Variants in CADM2 observed in about 807,000 individuals in gnomAD.
CADM2 encodes cell adhesion molecule 2.
CADM2 carries 12 observed loss-of-function variants against 49.8 expected under a neutral mutation model. The ratio of observed to expected loss-of-function variants is 0.24; its 90% confidence interval spans 0.15 to 0.39. The LOEUF is 0.39. Among genes scored for constraint, CADM2 ranks in the 10% least tolerant of loss-of-function variants. The probability of loss-of-function intolerance (pLI) is 1.00; values close to 1 mark genes in which losing one functional copy is unlikely to be tolerated. For missense variants in CADM2, 378 were observed against 492.3 expected (o/e 0.77, Z 2.20); for synonymous variants, 214 against 175.4 (o/e 1.22, Z -1.74).
In CADM2 at chr3:85,703,188, A is replaced by G. The variant is rs2066835159; in HGVS notation, c.62-23334A>G. ...TTTTCATTCAAGTGAAAAGGCAGGA[A>G]GAAGGTCACAAGAAACTTTTGTTAT... On this transcript the variant is annotated intron_variant, in intron 1 of 9. Transcript: ENST00000383699. Among the ~76,000 whole-genome samples the G allele has an allele frequency of 2.0e-5, 3 of 152,272 alleles. No homozygotes were observed. The South Asian group carries it at 6.2e-4, about 32-fold the overall frequency.
intron 1 of CADM2, among the ~76,000 whole-genome samples, chr3:85,140,893 C>T (rs1040020306): frequency 6.6e-6 from 1 of 152,174 alleles, no homozygotes; most frequent in South Asian, 2.1e-4. Context: ...ATTAGCTGTT[C>T]TCCTCCTTAG....
At chr3:85,718,680 GA>G (rs1042938841) in intron 1 of CADM2, among the ~76,000 whole-genome samples, 2 of 151,748 alleles carry the variant, frequency 1.3e-5, no homozygotes, top group African/African-American at 4.8e-5. Flanking sequence ...ACGGTAGAGT[GA>G]AAAAAATTTA....
chr3:85,593,593 G>A (rs952452400), intron 1 of CADM2, among the ~76,000 whole-genome samples: 14 of 151,896 alleles, frequency 9.2e-5, no homozygotes, highest in African/African-American at 3.1e-4. Flanking sequence ...GGCATTATCG[G>A]CACGCAGAAT....
intron 1 of CADM2, among the ~76,000 whole-genome samples, chr3:85,293,919 G>T (rs1369975190): frequency 6.6e-6 from 1 of 151,952 alleles, no homozygotes; most frequent in African/African-American, 2.4e-5. Flanking sequence ...ATTCAACATA[G>T]TGTTGGAAGT....
chr3:85,554,416 G>A (rs2061896917), intron 1 of CADM2, among the ~76,000 whole-genome samples: 1 of 152,012 alleles, frequency 6.6e-6, no homozygotes, highest in South Asian at 2.1e-4. Flanking sequence ...CGGCACAAAG[G>A]TTAGGGACCC....
intron 1 of CADM2, among the ~76,000 whole-genome samples, chr3:85,275,968 T>A (rs922597246): frequency 6.6e-6 from 1 of 151,152 alleles, no homozygotes; most frequent in Non-Finnish European, 1.5e-5. Context: ...AGAATTTAAA[T>A]TTTTTTGGTC....
intron 1 of CADM2, among the ~76,000 whole-genome samples, chr3:85,335,182 T>C (rs141267734): frequency 1.4e-3 from 213 of 151,732 alleles, no homozygotes; most frequent in Non-Finnish European, 1.7e-3. Flanking sequence ...TCATTTTCTA[T>C]TGATGTCTCA....
At chr3:85,677,919 A>AACTT (rs761580141) in intron 1 of CADM2, among the ~76,000 whole-genome samples, 46 of 152,214 alleles carry the variant, frequency 3.0e-4, no homozygotes, top group African/African-American at 8.7e-4. Flanking sequence ...GATTCCTTCT[A>AACTT]ACTTTGATAT....
intron 1 of CADM2, among the ~76,000 whole-genome samples, chr3:85,511,078 C>T (rs7616578): frequency 6.6e-6 from 1 of 151,936 alleles, no homozygotes; most frequent in Admixed American, 6.6e-5. Flanking sequence ...ACACGTTAGA[C>T]CTTTCGAATG....
chr3:85,456,560 A>C (rs541021991), intron 1 of CADM2, among the ~76,000 whole-genome samples: 27 of 152,330 alleles, frequency 1.8e-4, no homozygotes, highest in African/African-American at 6.3e-4. Context: ...TCAAATTTTT[A>C]TATAGCATAC....
intron 1 of CADM2, among the ~76,000 whole-genome samples, chr3:85,576,629 G>A (rs1304331784): frequency 6.6e-6 from 1 of 152,116 alleles, no homozygotes; most frequent in Non-Finnish European, 1.5e-5. Context: ...CATAGCGATA[G>A]TGCATTCTGA....
At chr3:85,106,597 C>G (rs1181962702) in intron 1 of CADM2, among the ~76,000 whole-genome samples, 1 of 152,116 alleles carries the variant, frequency 6.6e-6, no homozygotes, top group Non-Finnish European at 1.5e-5. Context: ...CAAGCTCCTT[C>G]TATCAATGAT....
At chr3:84,961,280 A>T (rs979734175) in intron 1 of CADM2, among the ~76,000 whole-genome samples, 1 of 152,144 alleles carries the variant, frequency 6.6e-6, no homozygotes, top group Non-Finnish European at 1.5e-5. Context: ...ATGCATATTT[A>T]TGAATGTGAA....
chr3:85,390,588 GTTTCCTCTAATAT>G (rs765717668), intron 1 of CADM2, among the ~76,000 whole-genome samples: 1 of 151,862 alleles, frequency 6.6e-6, no homozygotes, highest in East Asian at 1.9e-4. Context: ...CTTCACAAGC[GTTTCCTCTAATAT>G]TTTCCTCTAG....
At chr3:85,809,502 A>G (rs1444487736) in intron 3 of CADM2, among the ~76,000 whole-genome samples, 1 of 152,082 alleles carries the variant, frequency 6.6e-6, no homozygotes, top group Non-Finnish European at 1.5e-5. Flanking sequence ...GAAGCAAGAG[A>G]ATTGCTTGAA....
At chr3:85,618,100 G>A (rs537318545) in intron 1 of CADM2, among the ~76,000 whole-genome samples, 2 of 151,964 alleles carry the variant, frequency 1.3e-5, no homozygotes, top group African/African-American at 2.4e-5. Flanking sequence ...GAATTGTTTT[G>A]TAAAAAATAA....
chr3:85,488,055 T>TA (rs1338562319), intron 1 of CADM2, among the ~76,000 whole-genome samples: 4 of 152,174 alleles, frequency 2.6e-5, no homozygotes, highest in Non-Finnish European at 5.9e-5. Flanking sequence ...TCTTAAAAAA[T>TA]ACTTTGTACA....
intron 1 of CADM2, among the ~76,000 whole-genome samples, chr3:85,509,952 G>T (rs551742476): frequency 8.6e-5 from 13 of 151,892 alleles, no homozygotes; most frequent in Non-Finnish European, 1.9e-4. Context: ...CTATAATCAT[G>T]GTAATAATAA....
At chr3:85,797,177 C>T (rs1577331059) in intron 2 of CADM2, among the ~76,000 whole-genome samples, 1 of 150,834 alleles carries the variant, frequency 6.6e-6, no homozygotes, top group Non-Finnish European at 1.5e-5. Flanking sequence ...CTTTTTGTTA[C>T]ATAGCAATAA....
Sources: allele counts gnomAD v4.1 joint callset (sites outside exome capture counted in the v4.1 genomes callset), GRCh38; gene constraint gnomAD v4.1.1; transcripts MANE v1.5; gene names NCBI Gene and HGNC (gene_info 2026-07-23, HGNC 2026-07-21).